PPP6R1: variants seen among roughly 807,000 people sequenced by gnomAD.
PPP6R1 encodes the protein serine/threonine-protein phosphatase 6 regulatory subunit 1.
A neutral mutation model predicts 104.6 loss-of-function variants in PPP6R1; 39 were observed. That is an observed-to-expected ratio of 0.37 (90% CI 0.29 to 0.49). The LOEUF (loss-of-function observed/expected upper bound fraction) is 0.49. PPP6R1 is among the 20% of genes least tolerant of loss of function. The probability of loss-of-function intolerance (pLI) is 0.98; values close to 1 mark genes in which losing one functional copy is unlikely to be tolerated. For missense variants in PPP6R1, 1,181 were observed against 1,155.8 expected (o/e 1.02, Z -0.32); for synonymous variants, 549 against 479.0 (o/e 1.15, Z -1.91).
Position 55,232,175 on chromosome 19 carries a change from CTCT to C in PPP6R1, c.2022_2024del (p.Glu676del), listed in dbSNP as rs758563015. 7.7e-6 allele frequency: 12 copies of C among 1,565,112 alleles called. No individual in the cohort carries two copies. Among genetic ancestry groups the C allele is most frequent in the Admixed American group, 1.9e-5 (1 of 52,104 alleles). On this transcript the variant is annotated inframe_deletion, in exon 18 of 24. Coordinates refer to ENST00000412770, the MANE Select transcript of PPP6R1 (RefSeq NM_014931.4). The stretch of plus-strand genomic sequence containing the variant: ...CGTCTTCCTCCTCCTCCTCGTCCTC[CTCT>C]TCTTCGTCCTCACTGTCTGTGCTGC...
Position 55,241,598 on chromosome 19 carries a change from T to A in PPP6R1, c.887A>T (p.Asp296Val), listed in dbSNP as rs951323342. The A allele has an allele frequency of 1.9e-6, 3 of 1,586,812 alleles. No individual in the cohort carries two copies. The highest frequency in any genetic ancestry group is 2.3e-5 in the South Asian group (2 of 86,962). ...CTGGGCCAGGAGCTCCAGCTGCCCATCCACACTGCTGAAGAAGCTGTTCAC... is the reference window on the plus strand; with the variant it reads ...CTGGGCCAGGAGCTCCAGCTGCCCAACCACACTGCTGAAGAAGCTGTTCAC... ...VTVNSFFSSV[D>V]GQLELLAQGA... The change falls in exon 8 of 24, where the codon GAT (aspartate) becomes GTT (valine). Residue 296 changes from aspartate to valine, a missense_variant. Transcript: ENST00000412770. The surrounding 1 kb of genome is among the most constrained non-coding windows in gnomAD (Gnocchi z 5.4).
chr19:55,251,104 T>C (rs1217890045), intron 1 of PPP6R1, among the ~76,000 whole-genome samples: 2 of 152,192 alleles, frequency 1.3e-5, no homozygotes, highest in Non-Finnish European at 2.9e-5. Flanking sequence ...TTCCCTGGCC[T>C]GCCTGGCTCA....
At chr19:55,228,909 C>G, downstream of PPP6R1, 1 of 671,094 alleles carries the variant, frequency 1.5e-6, no homozygotes, top group Non-Finnish European at 2.6e-6. Flanking sequence ...CCCTGCCTGG[C>G]GCCCGCTGAT....
intron 1 of PPP6R1, among the ~76,000 whole-genome samples, chr19:55,249,011 G>A (rs2087532650): frequency 6.6e-6 from 1 of 152,144 alleles, no homozygotes; most frequent in African/African-American, 2.4e-5. Context: ...ACTCTAGATT[G>A]GCAACAATCT....
chr19:55,241,945 C>T lies in PPP6R1; in HGVS notation c.845+221G>A, dbSNP rs2087462126. Reference sequence around the variant, plus strand: ...GGCCTGGGGTCCCTCCCAACACAAGCTGCAGCAGTGGCCTCAGCCTCAGTG... The same window carrying T: ...GGCCTGGGGTCCCTCCCAACACAAGTTGCAGCAGTGGCCTCAGCCTCAGTG... On this transcript the variant is annotated intron_variant, in intron 7 of 23. Coordinates refer to ENST00000412770, the MANE Select transcript of PPP6R1 (RefSeq NM_014931.4). This position sits in a 1 kb window ranked among gnomAD's most constrained non-coding sequence, Gnocchi z 5.4. Among the ~76,000 whole-genome samples, 6 of 152,134 alleles carry T rather than the reference C, an allele frequency of 3.9e-5. No homozygotes were observed. Among genetic ancestry groups the T allele is most frequent in the Admixed American group, 3.9e-4 (6 of 15,280 alleles).
intron 5 of PPP6R1, among the ~76,000 whole-genome samples, chr19:55,243,137 G>A (rs557646729): frequency 3.9e-5 from 6 of 152,210 alleles, no homozygotes; most frequent in Non-Finnish European, 7.4e-5. Flanking sequence ...AGGTGGGGCC[G>A]GGCGCGGTGG....
In PPP6R1 at chr19:55,240,811, C is replaced by T. The variant is rs544503801; in HGVS notation, c.1296+134G>A. The T allele has an allele frequency of 9.3e-6, 12 of 1,290,320 alleles. No homozygotes were observed. In the South Asian group the frequency reaches 1.7e-4, roughly 18 times the overall value. The allele number at this position is 1,290,320 out of a possible 1,614,324, so 79.9% of individuals were successfully genotyped here. A position where few individuals can be genotyped will look rare whatever the true frequency, so the allele number is the denominator to read the frequency against. On this transcript the variant is annotated intron_variant, in intron 10 of 23. Coordinates refer to ENST00000412770, the MANE Select transcript of PPP6R1 (RefSeq NM_014931.4). The stretch of plus-strand genomic sequence containing the variant: ...TTCTCCCTGGCCATGCCTCCCACAC[C>T]CCATCTGGGCGCTGGCACCTAACAC...
rs2087329684 is a variant in PPP6R1, at chr19:55,230,462, C to T, written c.*66G>A. On this transcript the variant is annotated 3_prime_UTR_variant, in exon 24 of 24. Coordinates refer to ENST00000412770, the MANE Select transcript of PPP6R1 (RefSeq NM_014931.4). ...CAATGGGGGCCATCGTGGGACCCGC[C>T]CTGCCCCCACCCCGGGAGATCCACG... 6.2e-6 allele frequency: 10 copies of T among 1,605,954 alleles called. No homozygotes were observed. The highest frequency in any genetic ancestry group is 2.6e-6 in the Non-Finnish European group (3 of 1,175,516).
intron 1 of PPP6R1, among the ~76,000 whole-genome samples, chr19:55,254,001 C>T (rs1254501454): frequency 6.6e-6 from 1 of 152,240 alleles, no homozygotes; most frequent in Non-Finnish European, 1.5e-5. Context: ...GTGCAAGTCT[C>T]TTCCGGTCCA....
chr19:55,238,531 G>A (rs1048547099), intron 15 of PPP6R1, among the ~76,000 whole-genome samples: 2 of 152,190 alleles, frequency 1.3e-5, no homozygotes, highest in African/African-American at 4.8e-5. Context: ...GTCTCGCTCT[G>A]TTGCCCAGGC....
intron 21 of PPP6R1, 45 bp downstream of exon 21, chr19:55,231,365 G>A: frequency 1.3e-6 from 2 of 1,531,780 alleles, no homozygotes; most frequent in Non-Finnish European, 1.8e-6. Flanking sequence ...GCGAAGAGGA[G>A]AAAAGACTTC....
rs954933476 is a variant in PPP6R1 at position 55,245,240 on chromosome 19, C to A, written c.552+25G>T. 2 of 1,600,922 alleles carry A rather than the reference C, an allele frequency of 1.2e-6. No homozygotes were observed. The highest frequency in any genetic ancestry group is 8.5e-7 in the Non-Finnish European group (1 of 1,174,092). ...CTGTCCACCACGCCCAGCCCCCCACCCCCAGAGGAGCCGGCCCTGCTCACA... is the reference window on the plus strand; with the variant it reads ...CTGTCCACCACGCCCAGCCCCCCACACCCAGAGGAGCCGGCCCTGCTCACA... On this transcript the variant is annotated intron_variant, in intron 4 of 23. Coordinates refer to ENST00000412770, the MANE Select transcript of PPP6R1 (RefSeq NM_014931.4). This position sits in a 1 kb window ranked among gnomAD's most constrained non-coding sequence, Gnocchi z 6.4.
At chr19:55,239,147 G>A in intron 15 of PPP6R1, 1 of 501,154 alleles carries the variant, frequency 2.0e-6, no homozygotes, top group Non-Finnish European at 3.7e-6. Flanking sequence ...CCCCAGCACA[G>A]AAGATGTTTG....
At chr19:55,244,090 G>A (rs951168996) in intron 5 of PPP6R1, among the ~76,000 whole-genome samples, 1 of 152,222 alleles carries the variant, frequency 6.6e-6, no homozygotes, top group African/African-American at 2.4e-5. Flanking sequence ...AGAAAAGAGA[G>A]AAGCATAAGC....
Position 55,258,562 on chromosome 19 carries a change from C to G in PPP6R1, c.-134G>C, listed in dbSNP as rs1449683033. ...GGGGGCGGGGGCGGCGTCGGGGACT[C>G]GCGCAGGCGCCGGGGCTCGCGGGGT... On this transcript the variant is annotated 5_prime_UTR_variant, in exon 1 of 24. Coordinates refer to ENST00000412770, the MANE Select transcript of PPP6R1 (RefSeq NM_014931.4). 6.7e-6 allele frequency: 1 copy of G among 149,078 alleles called. No homozygotes were observed. Among genetic ancestry groups the G allele is most frequent in the Admixed American group, 6.7e-5 (1 of 15,024 alleles). The allele number at this position is 149,078 out of a possible 1,614,324, so 9.2% of individuals were successfully genotyped here.
intron 1 of PPP6R1, among the ~76,000 whole-genome samples, chr19:55,248,840 G>A (rs955941582): frequency 1.3e-5 from 2 of 152,200 alleles, no homozygotes; most frequent in Admixed American, 6.5e-5. Flanking sequence ...CAGGTCGAAC[G>A]CCTCTTGGGC....
At chr19:55,244,221 T>C (rs1166071490) in intron 5 of PPP6R1, among the ~76,000 whole-genome samples, 1 of 152,172 alleles carries the variant, frequency 6.6e-6, no homozygotes, top group African/African-American at 2.4e-5. Flanking sequence ...CTCTGCTCTG[T>C]AAGCCTGTGC....
rs2087611983 is a variant in PPP6R1, at chr19:55,258,424, G to A, written c.-7+11C>T. ...CTGGAGAGAGAGGGTCGGGCGACGC[G>A]GGCCGCTCACCTGCGAGGGGGGGCG... On this transcript the variant is annotated intron_variant, in intron 1 of 23. Transcript: ENST00000412770. 6.6e-6 allele frequency: 1 copy of A among 151,642 alleles called. No individual in the cohort carries two copies. The highest frequency in any genetic ancestry group is 2.1e-4 in the South Asian group (1 of 4,836). The allele number at this position is 151,642 out of a possible 1,614,324, so 9.4% of individuals were successfully genotyped here. A position where few individuals can be genotyped will look rare whatever the true frequency, so the allele number is the denominator to read the frequency against.
chr19:55,249,839 C>T (rs1276003882), intron 1 of PPP6R1, among the ~76,000 whole-genome samples: 13 of 149,174 alleles, frequency 8.7e-5, no homozygotes, highest in Non-Finnish European at 1.9e-4. Flanking sequence ...CACTCTGTCT[C>T]GGAAAAAAAA....
Sources: gnomAD v4.1 joint callset for allele counts (sites outside exome capture counted in the v4.1 genomes callset) on GRCh38, gnomAD v4.1.1 for gene constraint, Gnocchi (gnomAD v3.1) non-coding constraint, MANE v1.5 for transcripts, NCBI Gene and HGNC (gene_info 2026-07-23, HGNC 2026-07-21) for gene names.